NRCAM: variants seen among roughly 807,000 people sequenced by gnomAD.
NRCAM encodes NgCAM-related cell adhesion molecule.
Under a neutral mutation model 156.5 loss-of-function variants are expected in NRCAM, and 83 were observed. That is an observed-to-expected ratio of 0.53 (90% CI 0.44 to 0.64). The LOEUF is 0.64. NRCAM is among the 30% of genes least tolerant of loss of function. The probability of loss-of-function intolerance (pLI) is 0.00; values close to 1 mark genes in which losing one functional copy is unlikely to be tolerated. For synonymous variants in NRCAM, 538 were observed against 563.9 expected (o/e 0.95, Z 0.65); for missense variants, 1,417 against 1,597.3 (o/e 0.89, Z 1.92).
rs116513620 is a variant in NRCAM, at chr7:108,375,666, G to A, written c.-174+23770C>T. ...ACTAATCAAGCTATAGCTCATCTTG[G>A]GTTCTATGTTAATCTTATATACAGC... is the stretch of plus-strand genomic sequence containing the variant. On this transcript the variant is annotated intron_variant, in intron 2 of 32. Coordinates refer to ENST00000379028, the MANE Select transcript of NRCAM (RefSeq NM_001037132.4). Among the ~76,000 whole-genome samples the A allele has an allele frequency of 5.8e-3, 887 of 152,160 alleles. 9 individuals are homozygous for A. The highest frequency in any genetic ancestry group is 0.02 in the African/African-American group (845 of 41,516).
At chr7:108,212,069 A>ATGTG in intron 11 of NRCAM, among the ~76,000 whole-genome samples, 1 of 152,288 alleles carries the variant, frequency 6.6e-6, no homozygotes, top group Admixed American at 6.5e-5. Flanking sequence ...ACATCACAGG[A>ATGTG]CTCTGTGCAA....
chr7:108,443,165 A>G (rs1163560629), intron 1 of NRCAM, among the ~76,000 whole-genome samples: 1 of 147,300 alleles, frequency 6.8e-6, no homozygotes, highest in Non-Finnish European at 1.5e-5. Flanking sequence ...GCTATTATTT[A>G]AAACAATTAG....
intron 1 of NRCAM, among the ~76,000 whole-genome samples, chr7:108,451,101 C>T: frequency 6.6e-6 from 1 of 151,928 alleles, no homozygotes; most frequent in East Asian, 1.9e-4. Context: ...TGCCTGTAAT[C>T]CCAGGTAATC....
intron 32 of NRCAM, among the ~76,000 whole-genome samples, chr7:108,155,137 CACACACAT>C (rs759437323): frequency 0.022 from 2,710 of 122,184 alleles, 42 homozygotes; most frequent in Middle Eastern, 0.034. Flanking sequence ...CACACACACA[CACACACAT>C]ATAGCAGACC....
At chr7:108,163,495 C>T (rs2050748713) in intron 30 of NRCAM, among the ~76,000 whole-genome samples, 1 of 152,196 alleles carries the variant, frequency 6.6e-6, no homozygotes, top group Non-Finnish European at 1.5e-5. Context: ...AATGCTTAGA[C>T]ATCAAACGCT....
chr7:108,420,601 C>T (rs1387268047), intron 1 of NRCAM, among the ~76,000 whole-genome samples: 1 of 152,162 alleles, frequency 6.6e-6, no homozygotes, highest in African/African-American at 2.4e-5. Flanking sequence ...TCCGTAAGTA[C>T]CCACTGCCCA....
At position 108,182,903 on chromosome 7, in the gene NRCAM, T is replaced by G; in HGVS notation, c.2322A>C (p.Glu774Asp). ...TGTACTGAAGGCCTGGCCCATTAGA[T>G]TCGAAACCATTCAAGGGCTACAAGG... ...VITWKPLNGF[E>D]SNGPGLQYKV... The change falls in exon 23 of 33, where the codon GAA (glutamate) becomes GAC (aspartate). Residue 774 changes from glutamate (E) to aspartate (D), a missense_variant. Glu to Asp is a conservative substitution (Grantham distance 45). This residue lies in a region of NRCAM where 1,238 missense variants were observed against 1,336.4 expected (regional missense o/e 0.93). Transcript: ENST00000379028. 1 of 1,614,186 alleles carries G rather than the reference T, an allele frequency of 6.2e-7. No homozygotes were observed. The highest frequency in any genetic ancestry group is 8.5e-7 in the Non-Finnish European group (1 of 1,180,014).
At chr7:108,231,680 A>C (rs189493574) in intron 7 of NRCAM, among the ~76,000 whole-genome samples, 2 of 152,196 alleles carry the variant, frequency 1.3e-5, no homozygotes, top group Non-Finnish European at 2.9e-5. Flanking sequence ...AATAGAAAGA[A>C]TATTTCAGCA....
chr7:108,411,135 T>C (rs1203023772), intron 1 of NRCAM, among the ~76,000 whole-genome samples: 2 of 152,202 alleles, frequency 1.3e-5, no homozygotes, highest in Non-Finnish European at 2.9e-5. Flanking sequence ...CTTCAATTCA[T>C]AAAAATAATT....
chr7:108,425,680 T>A (rs982394554), intron 1 of NRCAM, among the ~76,000 whole-genome samples: 10 of 152,202 alleles, frequency 6.6e-5, no homozygotes, highest in African/African-American at 2.4e-4. Context: ...AATTACAAAA[T>A]AGCAACGACC....
intron 3 of NRCAM, among the ~76,000 whole-genome samples, chr7:108,275,829 G>C (rs1009331445): frequency 1.3e-5 from 2 of 152,128 alleles, no homozygotes; most frequent in African/African-American, 4.8e-5. Flanking sequence ...TGATGTTAGG[G>C]TGTTGATTTT....
chr7:108,224,557 T>C (rs1474351838), intron 10 of NRCAM, among the ~76,000 whole-genome samples: 1 of 152,136 alleles, frequency 6.6e-6, no homozygotes, highest in African/African-American at 2.4e-5. Context: ...TAGCCTTATC[T>C]TCTGAAGGTT....
chr7:108,282,311 G>T (rs2154093005), intron 3 of NRCAM, among the ~76,000 whole-genome samples: 1 of 152,298 alleles, frequency 6.6e-6, no homozygotes, highest in Middle Eastern at 3.4e-3. Context: ...ATACCTCAGT[G>T]CTTATCTCTC....
rs907081564 is a variant in NRCAM at position 108,342,939 on chromosome 7, T to C, written c.-173-30208A>G. On this transcript the variant is annotated intron_variant, in intron 2 of 32. Transcript: ENST00000379028. ...AAGGACCAGTGCTGCGACTGTGCAC[T>C]TGTGCAACTCTTAACCCAGCCACAT... Among the ~76,000 whole-genome samples, 6 of 152,236 alleles carry C rather than the reference T, an allele frequency of 3.9e-5. No homozygotes were observed. In the South Asian group the frequency reaches 6.2e-4, roughly 16 times the overall value.
chr7:108,330,350 C>T (rs944023301), intron 2 of NRCAM, among the ~76,000 whole-genome samples: 2 of 152,112 alleles, frequency 1.3e-5, no homozygotes, highest in African/African-American at 4.8e-5. Context: ...TGTGATTGTG[C>T]TCTGAGCAGT....
In NRCAM at chr7:108,335,434, CTTTTTTTT is replaced by C. The variant is rs58975301; in HGVS notation, c.-173-22711_-173-22704del. On this transcript the variant is annotated intron_variant, in intron 2 of 32. Transcript: ENST00000379028. ...ATGTCCTGTGGATCTGTTCCACCTG[CTTTTTTTT>C]TTTTTTTTTTTTTTTTTCAGTTTTC... 3.1e-4 allele frequency among the ~76,000 whole-genome samples: 22 copies of C among 69,880 alleles called. No individual in the cohort carries two copies. In the Admixed American group the frequency reaches 3.5e-3, roughly 11 times the overall value. 45.8% of individuals were successfully genotyped at this position (69,880 alleles called of 152,430 possible).
intron 13 of NRCAM, 161 bp downstream of exon 13, chr7:108,207,367 C>T (rs1192591852): frequency 5.1e-6 from 3 of 584,812 alleles, no homozygotes; most frequent in African/African-American, 3.8e-5. Context: ...TAATAAATAT[C>T]TAATGGTAAT....
intron 2 of NRCAM, among the ~76,000 whole-genome samples, chr7:108,385,486 G>A (rs1172809125): frequency 6.6e-6 from 1 of 152,194 alleles, no homozygotes; most frequent in Non-Finnish European, 1.5e-5. Context: ...GAAAGGTTTA[G>A]GTAGCTTAGA....
chr7:108,341,347 C>T (rs2099274844), intron 2 of NRCAM, among the ~76,000 whole-genome samples: 1 of 152,224 alleles, frequency 6.6e-6, no homozygotes, highest in African/African-American at 2.4e-5. Flanking sequence ...TCGGCCTTCT[C>T]AGTCTTACTC....
Sources: allele counts gnomAD v4.1 joint callset (sites outside exome capture counted in the v4.1 genomes callset), GRCh38; gene constraint gnomAD v4.1.1; regional missense constraint gnomAD v4.1.1; transcripts MANE v1.5; gene names NCBI Gene and HGNC (gene_info 2026-07-23, HGNC 2026-07-21).